Variants in ASPRV1 observed in about 807,000 individuals in gnomAD.
ASPRV1 encodes retroviral-like aspartic protease 1.
Under a neutral mutation model 11.0 loss-of-function variants are expected in ASPRV1, and 7 were observed. That is an observed-to-expected ratio of 0.64 (90% CI 0.36 to 1.20). The LOEUF is 1.20. Ranked by LOEUF, ASPRV1 falls within the 50% of genes most tolerant of loss-of-function variation. The pLI is 0.02. For synonymous variants in ASPRV1, 136 were observed against 138.4 expected (o/e 0.98, Z 0.12); for missense variants, 299 against 320.0 (o/e 0.93, Z 0.50).
chr2:70,085,607 CTTTATG>C, the ASPRV1 span: 2 of 151,618 alleles, frequency 1.3e-5, no homozygotes, highest in Non-Finnish European at 2.9e-5. Flanking sequence ...AGCACTTCAT[CTTTATG>C]TTTGTCTTCC....
the ASPRV1 span, among the ~76,000 whole-genome samples, chr2:69,949,983 T>G: frequency 6.6e-6 from 1 of 152,166 alleles, no homozygotes; most frequent in East Asian, 1.9e-4. Context: ...ACCAAGCTAA[T>G]TTTTGTATTT....
chr2:69,986,509 CTG>C, the ASPRV1 span, among the ~76,000 whole-genome samples: 1 of 152,216 alleles, frequency 6.6e-6, no homozygotes, highest in Non-Finnish European at 1.5e-5. Context: ...TAACTCAGGT[CTG>C]TGTCCCCAGC....
At chr2:70,086,727 C>T in the ASPRV1 span, among the ~76,000 whole-genome samples, 2 of 152,266 alleles carry the variant, frequency 1.3e-5, no homozygotes, top group African/African-American at 4.8e-5. Flanking sequence ...GGTGGGGTTT[C>T]TGTGGCTTTA....
At chr2:70,087,304 A>AT in the ASPRV1 span, 1 of 151,264 alleles carries the variant, frequency 6.6e-6, no homozygotes, top group Non-Finnish European at 1.5e-5. Flanking sequence ...CGTGCGCTTC[A>AT]TTTTCACTAC....
chr2:69,982,569 T>A, the ASPRV1 span, among the ~76,000 whole-genome samples: 382 of 152,298 alleles, frequency 2.5e-3, 2 homozygotes, highest in Non-Finnish European at 4.4e-3. Context: ...AGGTACCAGC[T>A]GTACTAAAGA....
the ASPRV1 span, among the ~76,000 whole-genome samples, chr2:70,084,191 T>C: frequency 6.6e-6 from 1 of 152,098 alleles, no homozygotes; most frequent in Non-Finnish European, 1.5e-5. Flanking sequence ...TAGGTAGTCT[T>C]GGAAAGAAAG....
At chr2:70,052,708 T>C in the ASPRV1 span, among the ~76,000 whole-genome samples, 17 of 152,134 alleles carry the variant, frequency 1.1e-4, no homozygotes, top group Admixed American at 9.2e-4. Flanking sequence ...ATAAGAAGGA[T>C]GGAAGGAAAC....
chr2:70,018,048 G>A, the ASPRV1 span: 1 of 151,950 alleles, frequency 6.6e-6, no homozygotes, highest in Admixed American at 6.6e-5. Flanking sequence ...GCTGAGGCAC[G>A]AGAATCACTT....
the ASPRV1 span, chr2:69,935,601 C>A: frequency 1.5e-6 from 1 of 650,028 alleles, no homozygotes; most frequent in South Asian, 1.8e-5. Flanking sequence ...ACCTCAAATG[C>A]AACATATTCA....
chr2:70,079,120 G>C, the ASPRV1 span, among the ~76,000 whole-genome samples: 2 of 152,178 alleles, frequency 1.3e-5, no homozygotes, highest in African/African-American at 4.8e-5. Flanking sequence ...ATGTTCTGAA[G>C]TTTTTTAATA....
At chr2:69,983,530 G>T in the ASPRV1 span, among the ~76,000 whole-genome samples, 1 of 152,196 alleles carries the variant, frequency 6.6e-6, no homozygotes, top group Non-Finnish European at 1.5e-5. Flanking sequence ...GCCACCTCCT[G>T]CTCGGGCCCA....
the ASPRV1 span, among the ~76,000 whole-genome samples, chr2:69,935,883 T>A: frequency 4.4e-4 from 67 of 152,160 alleles, no homozygotes; most frequent in Non-Finnish European, 8.1e-4. Context: ...GAACAGTCCT[T>A]CCAAGGTGCA....
At chr2:69,997,483 C>G in the ASPRV1 span, among the ~76,000 whole-genome samples, 2 of 152,148 alleles carry the variant, frequency 1.3e-5, no homozygotes, top group Non-Finnish European at 2.9e-5. Context: ...CAAGTCAGCA[C>G]CTGTGAGTCA....
the ASPRV1 span, among the ~76,000 whole-genome samples, chr2:70,009,241 A>G: frequency 2.6e-5 from 4 of 152,114 alleles, no homozygotes; most frequent in Admixed American, 2.6e-4. Flanking sequence ...ATACTTGTCT[A>G]TATATTTCCA....
the ASPRV1 span, among the ~76,000 whole-genome samples, chr2:69,982,290 C>CT: frequency 7.4e-6 from 1 of 135,508 alleles, no homozygotes; most frequent in Admixed American, 8.1e-5. Flanking sequence ...CTCATCCCTA[C>CT]TAAAAAAAAA....
chr2:70,006,035 A>G, the ASPRV1 span, among the ~76,000 whole-genome samples: 2 of 152,132 alleles, frequency 1.3e-5, no homozygotes, highest in African/African-American at 4.8e-5. Context: ...TGTCCTGTGC[A>G]TTGTAGGATG....
the ASPRV1 span, chr2:70,056,397 A>G: frequency 3.3e-5 from 5 of 152,014 alleles, no homozygotes; most frequent in African/African-American, 1.2e-4. Flanking sequence ...CGAGGTCAGG[A>G]GATCGAGACC....
the ASPRV1 span, among the ~76,000 whole-genome samples, chr2:70,067,422 C>T: frequency 2.0e-5 from 3 of 152,174 alleles, no homozygotes; most frequent in South Asian, 4.1e-4. Context: ...GAATCATCCA[C>T]GTGTAGATGG....
the ASPRV1 span, among the ~76,000 whole-genome samples, chr2:70,041,434 T>G: frequency 6.6e-6 from 1 of 152,130 alleles, no homozygotes; most frequent in Non-Finnish European, 1.5e-5. Context: ...AACACCGCCC[T>G]GCCCACAGAG....
Sources: allele counts gnomAD v4.1 joint callset (sites outside exome capture counted in the v4.1 genomes callset), GRCh38; gene constraint gnomAD v4.1.1; transcripts MANE v1.5; gene names NCBI Gene and HGNC (gene_info 2026-07-23, HGNC 2026-07-21).